Variants in CACNA2D1 observed in about 807,000 individuals in gnomAD.
CACNA2D1 encodes voltage-dependent calcium channel subunit alpha-2/delta-1.
CACNA2D1 carries 53 observed loss-of-function variants against 171.5 expected under a neutral mutation model. The observed-to-expected ratio is 0.31, with a 90% CI of 0.25 to 0.39. CACNA2D1 has a LOEUF of 0.39. Among genes scored for constraint, CACNA2D1 ranks in the 10% least tolerant of loss-of-function variants. The pLI is 1.00. For missense variants in CACNA2D1, 903 were observed against 1,299.8 expected (o/e 0.69, Z 4.69); for synonymous variants, 442 against 443.1 (o/e 1.00, Z 0.03).
intron 34 of CACNA2D1, among the ~76,000 whole-genome samples, 158 bp downstream of exon 34, chr7:81,963,898 A>G (rs1243095772): frequency 2.6e-5 from 4 of 152,062 alleles, no homozygotes; most frequent in African/African-American, 7.2e-5. Flanking sequence ...CACTTAGGAA[A>G]AACTATAAAT....
At chr7:82,231,579 T>TA (rs1037758166) in intron 3 of CACNA2D1, among the ~76,000 whole-genome samples, 2 of 151,858 alleles carry the variant, frequency 1.3e-5, no homozygotes, top group Non-Finnish European at 2.9e-5. Context: ...AAATTGCCAT[T>TA]AAAAAAAATC....
At chr7:82,012,991 T>G (rs1584404695) in intron 14 of CACNA2D1, among the ~76,000 whole-genome samples, 2 of 152,224 alleles carry the variant, frequency 1.3e-5, no homozygotes, top group South Asian at 2.1e-4. Flanking sequence ...AATCATCTCC[T>G]TGTTGTAACT....
intron 24 of CACNA2D1, among the ~76,000 whole-genome samples, chr7:81,978,818 A>T (rs201914375): frequency 1.1e-3 from 25 of 22,216 alleles, no homozygotes; most frequent in Non-Finnish European, 1.9e-3. Flanking sequence ...ATATATATAT[A>T]TATTTATTTA....
intron 3 of CACNA2D1, among the ~76,000 whole-genome samples, chr7:82,262,731 C>T (rs1168664631): frequency 6.6e-6 from 1 of 152,082 alleles, no homozygotes; most frequent in African/African-American, 2.4e-5. Flanking sequence ...TGAAACAAGC[C>T]ATAAAAACCA....
At chr7:82,344,150 T>A (rs962198407) in intron 2 of CACNA2D1, among the ~76,000 whole-genome samples, 50 of 152,348 alleles carry the variant, frequency 3.3e-4, no homozygotes, top group African/African-American at 1.1e-3. Context: ...AAAAGCCTCA[T>A]TGGCCTCTAT....
chr7:81,980,204 A>AAAG (rs1796313967), intron 24 of CACNA2D1, among the ~76,000 whole-genome samples: 1 of 147,690 alleles, frequency 6.8e-6, no homozygotes, highest in East Asian at 2.0e-4. Context: ...AAAAAAAGAA[A>AAAG]GTGCATTTAG....
At chr7:82,373,613 C>T (rs1014823025) in intron 1 of CACNA2D1, among the ~76,000 whole-genome samples, 1 of 152,102 alleles carries the variant, frequency 6.6e-6, no homozygotes, top group African/African-American at 2.4e-5. Flanking sequence ...CTCCACCCAC[C>T]CATTGACTTC....
chr7:82,395,530 C>T (rs914931030), intron 1 of CACNA2D1, among the ~76,000 whole-genome samples: 2 of 152,174 alleles, frequency 1.3e-5, no homozygotes, highest in Non-Finnish European at 2.9e-5. Flanking sequence ...GCATGTAAGG[C>T]ACTTCAATTA....
At chr7:82,158,321 T>A (rs7778943) in intron 4 of CACNA2D1, among the ~76,000 whole-genome samples, 60,501 of 151,628 alleles carry the variant, frequency 0.4, 12,310 homozygotes, top group Middle Eastern at 0.53. Context: ...AGCTTTAAAA[T>A]TATGTTCCAA....
At chr7:82,312,042 G>A (rs1201892913) in intron 3 of CACNA2D1, among the ~76,000 whole-genome samples, 1 of 152,104 alleles carries the variant, frequency 6.6e-6, no homozygotes, top group Non-Finnish European at 1.5e-5. Context: ...AACCTTAAGT[G>A]ATTTTCAAAA....
At chr7:81,961,820 CAATTTCTTAATGATTATAACAGT>C in intron 36 of CACNA2D1, 51 bp downstream of exon 36, 1 of 117,476 alleles carries the variant, frequency 8.5e-6, no homozygotes, top group Non-Finnish European at 1.2e-5. Flanking sequence ...ACAGTATATA[CAATTTCTTAATGATTATAACAGT>C]ATATACAATT....
chr7:82,285,027 G>A (rs778942511), intron 3 of CACNA2D1, among the ~76,000 whole-genome samples: 4 of 151,882 alleles, frequency 2.6e-5, no homozygotes, highest in African/African-American at 4.8e-5. Context: ...AAATAAGCCC[G>A]GGGCGATGAA....
intron 3 of CACNA2D1, among the ~76,000 whole-genome samples, chr7:82,219,618 T>C (rs910920104): frequency 1.3e-5 from 2 of 152,156 alleles, no homozygotes; most frequent in Non-Finnish European, 1.5e-5. Context: ...GAATGTCATT[T>C]TCTTTGAAGA....
intron 5 of CACNA2D1, among the ~76,000 whole-genome samples, chr7:82,130,904 C>T (rs2129069673): frequency 6.7e-6 from 1 of 149,836 alleles, no homozygotes; most frequent in Non-Finnish European, 1.5e-5. Flanking sequence ...TCACGCTACT[C>T]TCCTGCCTCA....
At chr7:81,974,411 T>C (rs374149969) in intron 25 of CACNA2D1, 44 bp downstream of exon 25, 25 of 942,480 alleles carry the variant, frequency 2.7e-5, no homozygotes, top group African/African-American at 1.3e-4. Flanking sequence ...TATAAACCAA[T>C]AGAACCACAC....
intron 5 of CACNA2D1, among the ~76,000 whole-genome samples, chr7:82,121,379 A>T (rs1456864968): frequency 6.6e-6 from 1 of 152,096 alleles, no homozygotes; most frequent in African/African-American, 2.4e-5. Context: ...TTTTTGGTAA[A>T]TCTCTTGGAT....
intron 1 of CACNA2D1, among the ~76,000 whole-genome samples, chr7:82,366,192 T>C (rs116482645): frequency 0.011 from 1,652 of 150,950 alleles, 35 homozygotes; most frequent in African/African-American, 0.038. Context: ...GACACCGTCA[T>C]TGAAAAGCAG....
At chr7:82,325,430 A>G (rs972547613) in intron 3 of CACNA2D1, among the ~76,000 whole-genome samples, 2 of 152,138 alleles carry the variant, frequency 1.3e-5, no homozygotes, top group African/African-American at 4.8e-5. Flanking sequence ...ACTTGAAAAT[A>G]ATGGTACTAT....
At chr7:82,005,559 C>A in intron 17 of CACNA2D1, 62 bp from the exon 18 acceptor site, 1 of 1,068,242 alleles carries the variant, frequency 9.4e-7, no homozygotes, top group South Asian at 1.4e-5. Context: ...AATCTATATT[C>A]TTTTAAATAC....
Sources: gnomAD v4.1 joint callset for allele counts (sites outside exome capture counted in the v4.1 genomes callset) on GRCh38, gnomAD v4.1.1 for gene constraint, MANE v1.5 for transcripts, NCBI Gene and HGNC (gene_info 2026-07-23, HGNC 2026-07-21) for gene names.